PCDHA4: variants seen among roughly 807,000 people sequenced by gnomAD.
PCDHA4 encodes the protein protocadherin alpha-4.
A neutral mutation model predicts 61.4 loss-of-function variants in PCDHA4; 49 were observed. The ratio of observed to expected loss-of-function variants is 0.80; its 90% CI spans 0.63 to 1.01. The LOEUF is 1.01. PCDHA4 is among the 50% of genes least tolerant of loss of function. The pLI is 0.00. For synonymous variants in PCDHA4, 590 were observed against 550.3 expected, an observed-to-expected ratio of 1.07 and a Z score of -1.01; for missense variants, 1,254 against 1,235.8, an observed-to-expected ratio of 1.01 and a Z score of -0.22.
chr5:140,898,156 G>C (rs1176390379), intron 1 of PCDHA4, among the ~76,000 whole-genome samples: 2 of 152,114 alleles, frequency 1.3e-5, no homozygotes, highest in African/African-American at 4.8e-5. Context: ...TCACGCTGAT[G>C]GTGGTTTCTT....
At chr5:140,832,401 T>C (rs1461467410) in intron 1 of PCDHA4, among the ~76,000 whole-genome samples, 2 of 152,204 alleles carry the variant, frequency 1.3e-5, no homozygotes, top group African/African-American at 4.8e-5. Flanking sequence ...GGTAGTGGTA[T>C]TTTCTGTTTT....
At chr5:140,830,622 CTTATT>C in intron 1 of PCDHA4, 1 of 582,670 alleles carries the variant, frequency 1.7e-6, no homozygotes. Flanking sequence ...TATTGTGTTT[CTTATT>C]TTAATCTCTT....
chr5:140,884,961 C>A (rs1454276450), intron 1 of PCDHA4, among the ~76,000 whole-genome samples: 1 of 152,126 alleles, frequency 6.6e-6, no homozygotes, highest in Non-Finnish European at 1.5e-5. Context: ...AAATTCCTCA[C>A]GTTGTGAGAA....
intron 1 of PCDHA4, among the ~76,000 whole-genome samples, chr5:140,878,596 G>A (rs1352519824): frequency 6.6e-6 from 1 of 152,144 alleles, no homozygotes; most frequent in South Asian, 2.1e-4. Context: ...CTATTACCAA[G>A]TGAATCTTCT....
chr5:140,941,673 A>T (rs1217189957), intron 1 of PCDHA4, among the ~76,000 whole-genome samples: 1 of 152,024 alleles, frequency 6.6e-6, no homozygotes, highest in Non-Finnish European at 1.5e-5. Context: ...TGTCAAGTTC[A>T]ATATTCTGTT....
At chr5:140,866,540 C>T (rs920003585) in intron 1 of PCDHA4, 4 of 152,134 alleles carry the variant, frequency 2.6e-5, no homozygotes, top group Admixed American at 2.6e-4. Context: ...GAATTAGCAT[C>T]ACGGAATAAA....
At chr5:140,954,214 T>C (rs1186171676) in intron 1 of PCDHA4, among the ~76,000 whole-genome samples, 1 of 152,254 alleles carries the variant, frequency 6.6e-6, no homozygotes, top group African/African-American at 2.4e-5. Flanking sequence ...TCCCATGTTT[T>C]TGCTATTGTG....
intron 1 of PCDHA4, among the ~76,000 whole-genome samples, chr5:140,938,685 C>CTT (rs1554212299): frequency 6.6e-6 from 1 of 151,964 alleles, no homozygotes; most frequent in African/African-American, 2.4e-5. Context: ...ATTTTCTTTA[C>CTT]AGTTTTTAAA....
intron 1 of PCDHA4, among the ~76,000 whole-genome samples, chr5:140,956,811 C>T (rs1349300314): frequency 6.6e-6 from 1 of 152,108 alleles, no homozygotes; most frequent in African/African-American, 2.4e-5. Context: ...TTTATTATTG[C>T]TTCAATTTGT....
chr5:140,882,560 C>G (rs150463901), intron 1 of PCDHA4: 2 of 1,614,168 alleles, frequency 1.2e-6, no homozygotes, highest in African/African-American at 2.7e-5. Context: ...GCTGTGTGGG[C>G]GGAGCGCGGA....
intron 1 of PCDHA4, chr5:140,812,583 T>A (rs2126640107): frequency 6.6e-6 from 1 of 152,290 alleles, no homozygotes; most frequent in East Asian, 1.9e-4. Context: ...ATCTTTCTTC[T>A]TTCTTCATTT....
At chr5:140,836,224 T>A in intron 1 of PCDHA4, 1 of 1,613,758 alleles carries the variant, frequency 6.2e-7, no homozygotes, top group Non-Finnish European at 8.5e-7. Flanking sequence ...TTGCAACCGG[T>A]GGCGGCCGGT....
In PCDHA4 at chr5:140,950,041, A is replaced by G. The variant is rs139296187; in HGVS notation, c.2386-28908A>G. Among the ~76,000 whole-genome samples, 1,151 of 152,070 alleles carry G rather than the reference A, an allele frequency of 7.6e-3. 13 individuals carry two copies. The highest frequency in any genetic ancestry group is 0.01 in the Non-Finnish European group (711 of 67,812). On this transcript the variant is annotated intron_variant, in intron 1 of 3. Transcript: ENST00000530339. ...CATAAAATATAGAAAAGTTACAACC[A>G]TATAAGACTATTTAGCTCTTCCTGT... is the stretch of plus-strand genomic sequence containing the variant.
chr5:140,919,954 T>G (rs1159524037), intron 1 of PCDHA4, among the ~76,000 whole-genome samples: 2 of 149,936 alleles, frequency 1.3e-5, no homozygotes, highest in East Asian at 4.0e-4. Context: ...AAAAGTTTGT[T>G]TTGTTTTTTA....
In PCDHA4 at chr5:140,843,257, C is replaced by G. The variant is rs146582216; in HGVS notation, c.2385+33685C>G. 40 of 1,595,938 alleles carry G rather than the reference C, an allele frequency of 2.5e-5. 2 individuals carry two copies. The highest frequency in any genetic ancestry group is 3.2e-5 in the Non-Finnish European group (37 of 1,165,610). On this transcript the variant is annotated intron_variant, in intron 1 of 3. Coordinates refer to ENST00000530339, the MANE Select transcript of PCDHA4 (RefSeq NM_018907.4). The stretch of plus-strand genomic sequence containing the variant: ...GGACGAAGCGGACTCTCCGCGCCAC[C>G]GTCTGCTGGTCCTGGTGAAGGATCA...
rs1563652468 is a variant in PCDHA4, at chr5:141,000,419, A to ATT, written c.2534-9207_2534-9206insTT. ...TCTATATATATATATATATATATAT[A>ATT]TATTTTTTTTTTTTTTTTTTTTTTT... On this transcript the variant is annotated intron_variant, in intron 3 of 3. Transcript: ENST00000530339. 2.1e-3 allele frequency among the ~76,000 whole-genome samples: 126 copies of ATT among 60,978 alleles called. 1 individual carries two copies. The highest frequency in any genetic ancestry group is 3.3e-3 in the African/African-American group (43 of 13,160). The allele number at this position is 60,978 out of a possible 152,430, so 40.0% of individuals were successfully genotyped here. A position where few individuals can be genotyped will look rare whatever the true frequency, so the allele number is the denominator to read the frequency against.
chr5:140,886,012 T>C (rs1363937487), intron 1 of PCDHA4, among the ~76,000 whole-genome samples: 1 of 152,190 alleles, frequency 6.6e-6, no homozygotes, highest in Non-Finnish European at 1.5e-5. Context: ...TAAAGGGAGA[T>C]GCTATGTATT....
At position 140,850,923 on chromosome 5, in the gene PCDHA4, AT is replaced by A. The variant is rs2150502772; in HGVS notation, c.2385+41359del. 1.2e-4 allele frequency: 181 copies of A among 1,521,692 alleles called. 10 individuals carry two copies. The South Asian group carries it at 1.6e-3, about 13-fold the overall frequency. 94.3% of individuals were successfully genotyped at this position (1,521,692 alleles called of 1,614,324 possible). ...TTCTAGCATTTTATTTATTTATATAATTTTTTTTCTTGAAAGATATTATCGA... is the reference window on the plus strand; with the variant it reads ...TTCTAGCATTTTATTTATTTATATAATTTTTTTCTTGAAAGATATTATCGA... On this transcript the variant is annotated intron_variant, in intron 1 of 3. Coordinates refer to ENST00000530339, the MANE Select transcript of PCDHA4 (RefSeq NM_018907.4).
chr5:140,871,698 C>A, intron 1 of PCDHA4: 2 of 905,580 alleles, frequency 2.2e-6, no homozygotes, highest in Non-Finnish European at 3.2e-6. Context: ...GCTTCTTTAA[C>A]CAATAAATGT....
Sources: gnomAD v4.1 joint callset for allele counts (sites outside exome capture counted in the v4.1 genomes callset) on GRCh38, gnomAD v4.1.1 for gene constraint, MANE v1.5 for transcripts, NCBI Gene and HGNC (gene_info 2026-07-23, HGNC 2026-07-21) for gene names.